RAE1: variants seen among roughly 807,000 people sequenced by gnomAD.
RAE1 encodes the protein mRNA export factor RAE1.
RAE1 carries 13 observed loss-of-function variants against 52.7 expected under a neutral mutation model. The ratio of observed to expected loss-of-function variants is 0.25; its 90% confidence interval spans 0.16 to 0.39. RAE1 has a LOEUF of 0.39. RAE1 is among the 10% of genes least tolerant of loss of function. RAE1 has a pLI of 1.00. For synonymous variants in RAE1, 164 were observed against 153.1 expected (o/e 1.07, Z -0.52); for missense variants, 262 against 459.8 (o/e 0.57, Z 3.93).
chr20:57,368,012 C>G (rs1383920226), intron 7 of RAE1, among the ~76,000 whole-genome samples: 1 of 152,112 alleles, frequency 6.6e-6, no homozygotes, highest in Non-Finnish European at 1.5e-5. Flanking sequence ...GCTTCAGCCT[C>G]CCGTTAACTG....
chr20:57,375,929 C>G (rs2067108022), intron 11 of RAE1, among the ~76,000 whole-genome samples: 1 of 152,262 alleles, frequency 6.6e-6, no homozygotes, highest in African/African-American at 2.4e-5. Flanking sequence ...TCCTGCCCCT[C>G]TTGCCTTGCT....
At chr20:57,365,969 C>G (rs2066948987) in intron 5 of RAE1, among the ~76,000 whole-genome samples, 1 of 152,176 alleles carries the variant, frequency 6.6e-6, no homozygotes, top group Admixed American at 6.5e-5. Context: ...AACTTAGAAC[C>G]AGAGGGTCCA....
intron 4 of RAE1, chr20:57,358,754 A>G (rs2066839707): frequency 2.6e-6 from 1 of 387,142 alleles, no homozygotes; most frequent in African/African-American, 2.1e-5. Context: ...CCCTAGGGTA[A>G]CTTACTCCGT....
At chr20:57,351,646 G>T (rs1294351741) in intron 1 of RAE1, 1 of 985,424 alleles carries the variant, frequency 1.0e-6, no homozygotes, top group Non-Finnish European at 1.2e-6. Flanking sequence ...CTGAGCCTCT[G>T]GGAAGGGTCA....
At chr20:57,352,482 A>T (rs6099572) in intron 1 of RAE1, among the ~76,000 whole-genome samples, 2,789 of 152,246 alleles carry the variant, frequency 0.018, 84 homozygotes, top group African/African-American at 0.064. Flanking sequence ...GCGGGAAGAG[A>T]TTAGGTGGGT....
At chr20:57,362,324 T>A (rs1332326509) in intron 4 of RAE1, among the ~76,000 whole-genome samples, 1 of 152,230 alleles carries the variant, frequency 6.6e-6, no homozygotes, top group Admixed American at 6.5e-5. Flanking sequence ...TAAAATGTCT[T>A]CCTGACATAC....
chr20:57,375,005 A>G, intron 11 of RAE1: 1 of 720,978 alleles, frequency 1.4e-6, no homozygotes, highest in Non-Finnish European at 2.5e-6. Flanking sequence ...AGAACCCAGC[A>G]CACAGGAAGT....
At chr20:57,366,980 C>T in intron 6 of RAE1, 28 bp from the exon 7 acceptor site, 1 of 1,594,586 alleles carries the variant, frequency 6.3e-7, no homozygotes, top group Non-Finnish European at 8.6e-7. Flanking sequence ...TGAATGGTCA[C>T]ATACTGGCTT....
intron 4 of RAE1, among the ~76,000 whole-genome samples, chr20:57,357,267 C>G (rs955114441): frequency 6.6e-6 from 1 of 152,214 alleles, no homozygotes; most frequent in African/African-American, 2.4e-5. Context: ...GTCGTCAAAT[C>G]CTTCCCAGCT....
intron 4 of RAE1, among the ~76,000 whole-genome samples, chr20:57,361,523 G>A (rs531391832): frequency 7.6e-4 from 115 of 152,186 alleles, no homozygotes; most frequent in Middle Eastern, 3.4e-3. Flanking sequence ...GGATTTATTC[G>A]GAAATAGTTC....
At position 57,374,143 on chromosome 20, in the gene RAE1, G is replaced by A. The variant is rs1470901623; in HGVS notation, c.825+405G>A. On this transcript the variant is annotated intron_variant, in intron 10 of 11. Transcript: ENST00000395841. ...GATTTGCCCGCCTCGGCCTCCCAAAGTGCTGGGATTACAGGCGTGAGCCAC... is the reference window on the plus strand; with the variant it reads ...GATTTGCCCGCCTCGGCCTCCCAAAATGCTGGGATTACAGGCGTGAGCCAC... Among the ~76,000 whole-genome samples, 3 of 152,234 alleles carry A rather than the reference G, an allele frequency of 2.0e-5. No homozygotes were observed. In the East Asian group the frequency reaches 5.8e-4, roughly 29 times the overall value.
intron 3 of RAE1, among the ~76,000 whole-genome samples, chr20:57,356,049 G>A (rs1215916217): frequency 1.3e-5 from 2 of 152,120 alleles, no homozygotes; most frequent in Admixed American, 1.3e-4. Flanking sequence ...TTATTTTTTT[G>A]CCATATTTAC....
chr20:57,361,994 C>T (rs1246569370), intron 4 of RAE1, among the ~76,000 whole-genome samples: 6 of 152,160 alleles, frequency 3.9e-5, no homozygotes, highest in East Asian at 1.9e-4. Flanking sequence ...CACAGGAGCT[C>T]GAACCCTGTT....
Position 57,355,584 on chromosome 20 carries a change from T to G in RAE1, c.195+768T>G, listed in dbSNP as rs554810406. 2.6e-5 allele frequency among the ~76,000 whole-genome samples: 4 copies of G among 152,344 alleles called. No homozygotes were observed. In the South Asian group the frequency reaches 8.3e-4, roughly 32 times the overall value. ...GGGACTTGAGTAGGAAATCTGATAA[T>G]GTACTTCATCTGCATTATCTAAATT... On this transcript the variant is annotated intron_variant, in intron 3 of 11. Transcript: ENST00000395841.
intron 1 of RAE1, among the ~76,000 whole-genome samples, chr20:57,353,806 G>T (rs1485541314): frequency 2.6e-5 from 4 of 152,248 alleles, no homozygotes. Flanking sequence ...AACTAGATAT[G>T]GAGTGTATGG....
intron 1 of RAE1, among the ~76,000 whole-genome samples, chr20:57,353,254 T>G (rs1009436653): frequency 6.6e-6 from 1 of 152,210 alleles, no homozygotes; most frequent in Non-Finnish European, 1.5e-5. Context: ...AGATACTGCA[T>G]TTTCTACATA....
intron 3 of RAE1, among the ~76,000 whole-genome samples, 170 bp downstream of exon 3, chr20:57,354,986 T>TA (rs1171798215): frequency 6.6e-6 from 1 of 152,228 alleles, no homozygotes; most frequent in African/African-American, 2.4e-5. Flanking sequence ...ACATTATTCT[T>TA]ACACCCGTTT....
At chr20:57,363,955 G>T (rs2066921631) in intron 4 of RAE1, among the ~76,000 whole-genome samples, 1 of 152,352 alleles carries the variant, frequency 6.6e-6, no homozygotes, top group African/African-American at 2.4e-5. Context: ...TAAGGAGCTT[G>T]CCTGTGAGAA....
Position 57,366,990 on chromosome 20 carries a change from T to A in RAE1, c.463-18T>A. ...TGCTCTGAATGGTCACATACTGGCT[T>A]CTCTTTTTTGCTTTTAGTTTTGGGA... On this transcript the variant is annotated intron_variant, in intron 6 of 11. Coordinates refer to ENST00000395841, the MANE Select transcript of RAE1 (RefSeq NM_003610.4). The A allele has an allele frequency of 6.2e-7, 1 of 1,602,770 alleles. No individual in the cohort carries two copies.
Sources: gnomAD v4.1 joint callset for allele counts (sites outside exome capture counted in the v4.1 genomes callset) on GRCh38, gnomAD v4.1.1 for gene constraint, MANE v1.5 for transcripts, NCBI Gene and HGNC (gene_info 2026-07-23, HGNC 2026-07-21) for gene names.